Variants in AGBL4 observed in about 807,000 individuals in gnomAD.
AGBL4 encodes the protein cytosolic carboxypeptidase 6.
In AGBL4, 58 loss-of-function variants were observed where a neutral mutation model predicts 66.4. The observed-to-expected ratio is 0.87, with a 90% CI of 0.71 to 1.09. The LOEUF (loss-of-function observed/expected upper bound fraction) is 1.09. AGBL4 is among the 50% of genes least tolerant of loss of function. AGBL4 has a pLI of 0.00. For synonymous variants in AGBL4, 234 were observed against 222.9 expected (o/e 1.05, Z -0.44); for missense variants, 579 against 631.0 (o/e 0.92, Z 0.88).
At chr1:49,981,131 T>C (rs1437631662) in intron 1 of AGBL4, among the ~76,000 whole-genome samples, 1 of 152,152 alleles carries the variant, frequency 6.6e-6, no homozygotes, top group Non-Finnish European at 1.5e-5. Context: ...AGCTTAAAAA[T>C]TGTTAGGTTA....
chr1:49,982,699 C>A (rs1390048349), intron 1 of AGBL4, among the ~76,000 whole-genome samples: 1 of 152,160 alleles, frequency 6.6e-6, no homozygotes, highest in Non-Finnish European at 1.5e-5. Flanking sequence ...ATGAACCAAT[C>A]AACATGCACT....
At chr1:49,643,893 G>A (rs943008347) in intron 3 of AGBL4, among the ~76,000 whole-genome samples, 2 of 151,546 alleles carry the variant, frequency 1.3e-5, no homozygotes, top group Non-Finnish European at 3.0e-5. Flanking sequence ...AAACAATGAA[G>A]AGCACTGAAA....
At chr1:49,271,257 A>G (rs1258071943) in intron 3 of AGBL4, among the ~76,000 whole-genome samples, 1 of 152,160 alleles carries the variant, frequency 6.6e-6, no homozygotes, top group Non-Finnish European at 1.5e-5. Context: ...ATGGTCAGTT[A>G]AGAAGCTGAG....
chr1:49,235,155 C>T lies in AGBL4; in HGVS notation c.377+10615G>A, dbSNP rs1324218165. ...TCTCTTTGTGTGCAAAATAAAGGCA[C>T]TGGGGTGGCTAATCAGTAAGGCTCA... On this transcript the variant is annotated intron_variant, in intron 4 of 13. Coordinates refer to ENST00000371839, the MANE Select transcript of AGBL4 (RefSeq NM_032785.4). Among the ~76,000 whole-genome samples, 4 of 152,138 alleles carry T rather than the reference C, an allele frequency of 2.6e-5. No homozygotes were observed. The East Asian group carries it at 7.7e-4, about 29-fold the overall frequency.
intron 1 of AGBL4, among the ~76,000 whole-genome samples, chr1:49,937,886 G>A (rs1331020954): frequency 6.6e-6 from 1 of 152,014 alleles, no homozygotes; most frequent in African/African-American, 2.4e-5. Flanking sequence ...CCCCACAAGA[G>A]AAAGCAGGAA....
At chr1:49,001,964 G>C (rs899757251) in intron 5 of AGBL4, among the ~76,000 whole-genome samples, 1 of 152,126 alleles carries the variant, frequency 6.6e-6, no homozygotes, top group Admixed American at 6.5e-5. Flanking sequence ...TAAGATAATC[G>C]TCTTTACACT....
intron 1 of AGBL4, among the ~76,000 whole-genome samples, chr1:49,948,052 A>ATATATATATG (rs1491565922): frequency 7.6e-4 from 1 of 1,320 alleles, no homozygotes; most frequent in African/African-American, 1.8e-3. Flanking sequence ...AAATATATAA[A>ATATATATATG]TATATATATG....
chr1:49,219,659 C>A (rs537719094), intron 4 of AGBL4, among the ~76,000 whole-genome samples: 30 of 152,260 alleles, frequency 2.0e-4, no homozygotes, highest in South Asian at 2.1e-4. Context: ...AGAATATTTG[C>A]TGGCCTGAGA....
intron 3 of AGBL4, among the ~76,000 whole-genome samples, chr1:49,514,278 G>A (rs1407345840): frequency 6.6e-6 from 1 of 151,986 alleles, no homozygotes; most frequent in Non-Finnish European, 1.5e-5. Context: ...TGGTGACAGA[G>A]GGCATCCCTA....
At chr1:48,541,977 G>T (rs1468962377) in intron 11 of AGBL4, among the ~76,000 whole-genome samples, 1 of 152,046 alleles carries the variant, frequency 6.6e-6, no homozygotes. Context: ...TTCTCCTAAT[G>T]CTATCCCTCC....
intron 6 of AGBL4, among the ~76,000 whole-genome samples, chr1:48,785,308 C>T (rs1426619185): frequency 1.3e-5 from 2 of 152,198 alleles, no homozygotes; most frequent in African/African-American, 4.8e-5. Context: ...TGTGCCTAAC[C>T]TGGCACATGA....
intron 6 of AGBL4, among the ~76,000 whole-genome samples, chr1:48,746,019 G>T (rs141817361): frequency 1.5e-4 from 23 of 152,240 alleles, no homozygotes; most frequent in Admixed American, 7.2e-4. Flanking sequence ...TCAGAGACCA[G>T]GTCTCACCTG....
chr1:49,379,445 T>A (rs1644544767), intron 3 of AGBL4, among the ~76,000 whole-genome samples: 1 of 152,176 alleles, frequency 6.6e-6, no homozygotes, highest in Non-Finnish European at 1.5e-5. Context: ...CACTGCTGCA[T>A]CTTTCTTCGA....
intron 9 of AGBL4, among the ~76,000 whole-genome samples, chr1:48,632,041 T>C (rs942974643): frequency 2.0e-5 from 3 of 152,030 alleles, no homozygotes; most frequent in Admixed American, 1.3e-4. Flanking sequence ...AGAACCTCAG[T>C]GCACATAGAA....
At chr1:48,523,129 A>G in the AGBL4 span, among the ~76,000 whole-genome samples, 62 of 152,138 alleles carry the variant, frequency 4.1e-4, 1 homozygote, top group African/African-American at 1.5e-3. Flanking sequence ...GTAGATGGGA[A>G]AACTGAGGCT....
intron 8 of AGBL4, among the ~76,000 whole-genome samples, chr1:48,649,546 T>C (rs1325493052): frequency 1.3e-5 from 2 of 152,246 alleles, no homozygotes; most frequent in Non-Finnish European, 2.9e-5. Flanking sequence ...TCTGGTATCA[T>C]ATACAGTAGT....
At chr1:49,292,020 A>AGGCC in intron 3 of AGBL4, among the ~76,000 whole-genome samples, 1 of 152,324 alleles carries the variant, frequency 6.6e-6, no homozygotes, top group African/African-American at 2.4e-5. Flanking sequence ...GGGCCCAGGA[A>AGGCC]GGCCCCCTGC....
At chr1:49,111,440 T>C (rs1475879978) in intron 4 of AGBL4, among the ~76,000 whole-genome samples, 2 of 152,204 alleles carry the variant, frequency 1.3e-5, no homozygotes, top group East Asian at 3.8e-4. Flanking sequence ...ATAATGTCTT[T>C]CCCACTAGAG....
intron 2 of AGBL4, among the ~76,000 whole-genome samples, chr1:49,833,011 G>A (rs1645737860): frequency 6.6e-6 from 1 of 151,840 alleles, no homozygotes; most frequent in South Asian, 2.1e-4. Context: ...GATCCCATTT[G>A]TCAATTTTGG....
Sources: gnomAD v4.1 joint callset for allele counts (sites outside exome capture counted in the v4.1 genomes callset) on GRCh38, gnomAD v4.1.1 for gene constraint, MANE v1.5 for transcripts, NCBI Gene and HGNC (gene_info 2026-07-23, HGNC 2026-07-21) for gene names.